FAM135B: variants seen among roughly 807,000 people sequenced by gnomAD.
The protein encoded by FAM135B is family with sequence similarity 135 member B, also known as protein FAM135B.
A neutral mutation model predicts 127.7 loss-of-function variants in FAM135B; 43 were observed. That is an observed-to-expected ratio of 0.34 (90% CI 0.26 to 0.43). The LOEUF is 0.43. Ranked by LOEUF, FAM135B falls within the 20% of genes least tolerant of loss-of-function variation. The pLI, the probability that FAM135B is intolerant of heterozygous loss-of-function variation, is 1.00. For synonymous variants in FAM135B, 670 were observed against 665.1 expected, an observed-to-expected ratio of 1.01 and a Z score of -0.11; for missense variants, 1,558 against 1,725.6, an observed-to-expected ratio of 0.90 and a Z score of 1.72.
At chr8:138,298,487 G>C (rs1825633747) in intron 3 of FAM135B, among the ~76,000 whole-genome samples, 2 of 152,130 alleles carry the variant, frequency 1.3e-5, no homozygotes, top group South Asian at 4.1e-4. Flanking sequence ...ACATACCCAA[G>C]TTCAGAAGCT....
At chr8:138,487,211 G>C (rs560521375) in intron 1 of FAM135B, among the ~76,000 whole-genome samples, 1 of 152,230 alleles carries the variant, frequency 6.6e-6, no homozygotes, top group African/African-American at 2.4e-5. Flanking sequence ...TTTCACCAGA[G>C]AATACAATCA....
intron 1 of FAM135B, among the ~76,000 whole-genome samples, chr8:138,462,856 C>T (rs1440686643): frequency 5.9e-5 from 9 of 152,184 alleles, no homozygotes; most frequent in African/African-American, 1.7e-4. Flanking sequence ...GGAAAGTCAA[C>T]GCCCAGCCCA....
intron 1 of FAM135B, among the ~76,000 whole-genome samples, chr8:138,372,319 C>A (rs1450366836): frequency 6.6e-6 from 1 of 152,180 alleles, no homozygotes; most frequent in Non-Finnish European, 1.5e-5. Context: ...TGCGTACAGA[C>A]AGTTTGCCCC....
chr8:138,321,302 C>T (rs1827438718), intron 2 of FAM135B, among the ~76,000 whole-genome samples: 1 of 152,110 alleles, frequency 6.6e-6, no homozygotes, highest in African/African-American at 2.4e-5. Context: ...ACACAGCCTC[C>T]CACTTCCATG....
chr8:138,357,669 A>G (rs971561159), intron 2 of FAM135B, among the ~76,000 whole-genome samples: 13 of 151,194 alleles, frequency 8.6e-5, no homozygotes, highest in Non-Finnish European at 1.3e-4. Flanking sequence ...AATTCATGGG[A>G]AAAAAAAACA....
At chr8:138,196,980 T>C (rs1463090503) in intron 8 of FAM135B, among the ~76,000 whole-genome samples, 2 of 152,096 alleles carry the variant, frequency 1.3e-5, no homozygotes, top group Admixed American at 6.6e-5. Flanking sequence ...CTTTGGAAAA[T>C]CCATGTGCAA....
At chr8:138,339,225 G>T (rs183369924) in intron 2 of FAM135B, among the ~76,000 whole-genome samples, 1 of 151,786 alleles carries the variant, frequency 6.6e-6, no homozygotes, top group South Asian at 2.1e-4. Flanking sequence ...TAACCTGCAC[G>T]TTGTGCACGT....
At chr8:138,233,940 A>C (rs1406652294) in intron 7 of FAM135B, among the ~76,000 whole-genome samples, 1 of 152,230 alleles carries the variant, frequency 6.6e-6, no homozygotes, top group Non-Finnish European at 1.5e-5. Flanking sequence ...GATACTCAGC[A>C]TCACTAATTA....
intron 1 of FAM135B, among the ~76,000 whole-genome samples, chr8:138,417,696 C>T (rs1180528739): frequency 6.6e-6 from 1 of 152,086 alleles, no homozygotes; most frequent in African/African-American, 2.4e-5. Flanking sequence ...TGCACACAGC[C>T]CAAGAGTGCT....
chr8:138,234,483 T>C (rs1455379752), intron 7 of FAM135B, among the ~76,000 whole-genome samples: 1 of 152,202 alleles, frequency 6.6e-6, no homozygotes, highest in African/African-American at 2.4e-5. Context: ...TATCAGTGAA[T>C]GAGTGGATGA....
chr8:138,415,765 T>C (rs894813247), intron 1 of FAM135B, among the ~76,000 whole-genome samples: 6 of 152,154 alleles, frequency 3.9e-5, no homozygotes, highest in African/African-American at 1.4e-4. Flanking sequence ...CCTAATACTC[T>C]CCAGCATCTG....
In FAM135B at chr8:138,435,349, A is replaced by T. The variant is rs151208316; in HGVS notation, c.-20+61322T>A. On this transcript the variant is annotated intron_variant, in intron 1 of 19. Coordinates refer to ENST00000395297, the MANE Select transcript of FAM135B (RefSeq NM_015912.4). ...AAGAAGCCACATGCCAAACTCCATG[A>T]TGATGCCTCAATGCACCTCATCTCA... 1.6e-3 allele frequency among the ~76,000 whole-genome samples: 242 copies of T among 152,202 alleles called. 4 individuals are homozygous for T. In the South Asian group the frequency reaches 0.025, roughly 16 times the overall value.
chr8:138,190,610 TTTGTTGTAGTTG>T (rs1453839299), intron 9 of FAM135B, among the ~76,000 whole-genome samples: 6 of 152,350 alleles, frequency 3.9e-5, no homozygotes, highest in African/African-American at 1.4e-4. Context: ...CCTTTATGTT[TTTGTTGTAGTTG>T]TTGTTGTTTT....
chr8:138,147,457 G>A (rs549724211), intron 14 of FAM135B, among the ~76,000 whole-genome samples: 1 of 152,058 alleles, frequency 6.6e-6, no homozygotes, highest in Non-Finnish European at 1.5e-5. Context: ...ATAAGAATAC[G>A]AATCTTGAGG....
At chr8:138,227,293 T>A (rs1198242538) in intron 7 of FAM135B, among the ~76,000 whole-genome samples, 1 of 152,190 alleles carries the variant, frequency 6.6e-6, no homozygotes, top group African/African-American at 2.4e-5. Flanking sequence ...CAAAGTCAGC[T>A]ATTTGGGAGT....
intron 3 of FAM135B, among the ~76,000 whole-genome samples, chr8:138,281,398 T>C (rs1267955883): frequency 6.6e-6 from 1 of 151,972 alleles, no homozygotes; most frequent in Non-Finnish European, 1.5e-5. Context: ...CTGGCTGTTT[T>C]CATTTCTCCA....
chr8:138,339,059 A>G (rs1214313827), intron 2 of FAM135B, among the ~76,000 whole-genome samples: 3 of 146,326 alleles, frequency 2.1e-5, no homozygotes, highest in African/African-American at 7.5e-5. Flanking sequence ...GAATTGAACA[A>G]TGAGAACACT....
chr8:138,208,351 A>C (rs570004880), intron 7 of FAM135B, among the ~76,000 whole-genome samples: 4 of 152,218 alleles, frequency 2.6e-5, no homozygotes, highest in Non-Finnish European at 4.4e-5. Context: ...TAGCTATTCC[A>C]TTGTGATCCA....
At chr8:138,349,514 A>G (rs776967102) in intron 2 of FAM135B, among the ~76,000 whole-genome samples, 6 of 152,248 alleles carry the variant, frequency 3.9e-5, no homozygotes, top group Non-Finnish European at 8.8e-5. Context: ...ATATAGCAGG[A>G]TATAGTAGGG....
Sources: gnomAD v4.1 joint callset for allele counts (sites outside exome capture counted in the v4.1 genomes callset) on GRCh38, gnomAD v4.1.1 for gene constraint, MANE v1.5 for transcripts, NCBI Gene and HGNC (gene_info 2026-07-23, HGNC 2026-07-21) for gene names.